ANO6: variants seen among roughly 807,000 people sequenced by gnomAD.
The protein encoded by ANO6 is anoctamin 6.
ANO6 carries 106 observed loss-of-function variants against 117.5 expected under a neutral mutation model. The ratio of observed to expected loss-of-function variants is 0.90; its 90% CI spans 0.77 to 1.06. The LOEUF is 1.06. Among genes scored for constraint, ANO6 ranks in the 50% least tolerant of loss-of-function variants. ANO6 has a pLI of 0.00. For synonymous variants in ANO6, 367 were observed against 385.1 expected (o/e 0.95, Z 0.55); for missense variants, 955 against 1,121.1 (o/e 0.85, Z 2.12).
Position 45,429,202 on chromosome 12 carries a change from A to G in ANO6, c.2624A>G (p.Gln875Arg). ...ATCCAGAGAGAAAAATACCTAACCC[A>G]AAAGCTTCTTCATGAGAATCACCTC... is the stretch of plus-strand genomic sequence containing the variant. Reference protein sequence around the residue: ...SKIQREKYLTQKLLHENHLKD... With the variant: ...SKIQREKYLTRKLLHENHLKD... Residue 875 changes from glutamine to arginine, a missense_variant, in exon 20 of 20, where the codon CAA (glutamine) becomes CGA (arginine). Transcript: ENST00000320560. The G allele has an allele frequency of 6.2e-7, 1 of 1,613,968 alleles. No individual in the cohort carries two copies. The highest frequency in any genetic ancestry group is 2.2e-5 in the East Asian group (1 of 44,842).
Position 45,331,402 on chromosome 12 carries a change from G to A in ANO6, c.258G>A (p.Lys86=). 6.2e-7 allele frequency: 1 copy of A among 1,604,970 alleles called. No homozygotes were observed. Among genetic ancestry groups the A allele is most frequent in the Non-Finnish European group, 8.5e-7 (1 of 1,175,284 alleles). Reference sequence around the variant, plus strand: ...AAAGCAGAAAAGAGACCAATAAAAAGGGTACAAATGAAAAACAAAGGGTAA... The same window carrying A: ...AAAGCAGAAAAGAGACCAATAAAAAAGGTACAAATGAAAAACAAAGGGTAA... ...EDESRKETNK[K]GTNEKQRRKR... The change falls in exon 3 of 20, where the codon AAG becomes AAA. Residue 86 remains lysine, a synonymous_variant. Coordinates refer to ENST00000320560, the MANE Select transcript of ANO6 (RefSeq NM_001025356.3).
chr12:45,411,671 G>A (rs1235875708), intron 16 of ANO6, among the ~76,000 whole-genome samples: 2 of 152,098 alleles, frequency 1.3e-5, no homozygotes, highest in East Asian at 1.9e-4. Flanking sequence ...AACATCTTCC[G>A]GAAAGCAAGC....
intron 17 of ANO6, among the ~76,000 whole-genome samples, chr12:45,418,507 C>G (rs538256207): frequency 2.0e-5 from 3 of 152,320 alleles, no homozygotes; most frequent in African/African-American, 7.2e-5. Context: ...CTAAGCTGGA[C>G]AAGAACATGG....
intron 1 of ANO6, among the ~76,000 whole-genome samples, chr12:45,239,857 T>C (rs895413023): frequency 6.6e-6 from 1 of 152,222 alleles, no homozygotes; most frequent in African/African-American, 2.4e-5. Context: ...TAATCCTGAG[T>C]TCTAATTTGA....
chr12:45,318,006 G>A (rs950261226), intron 2 of ANO6, among the ~76,000 whole-genome samples: 1 of 152,158 alleles, frequency 6.6e-6, no homozygotes, highest in Non-Finnish European at 1.5e-5. Flanking sequence ...TGAGTTCTTT[G>A]TAGATTTTGG....
rs74970679 is a variant in ANO6 at position 45,362,612 on chromosome 12, C to G, written c.999-5076C>G. ...ATGTGTCTTTTTGTCTCTTGTTTTTCTATTCCTTCATTACTACTTTTTTTG... is the reference window on the plus strand; with the variant it reads ...ATGTGTCTTTTTGTCTCTTGTTTTTGTATTCCTTCATTACTACTTTTTTTG... On this transcript the variant is annotated intron_variant, in intron 8 of 19. Coordinates refer to ENST00000320560, the MANE Select transcript of ANO6 (RefSeq NM_001025356.3). Among the ~76,000 whole-genome samples, 1,014 of 151,820 alleles carry G rather than the reference C, an allele frequency of 6.7e-3. 16 individuals carry two copies. The highest frequency in any genetic ancestry group is 0.024 in the African/African-American group (978 of 41,432).
chr12:45,284,076 A>G (rs1161798453), intron 1 of ANO6, among the ~76,000 whole-genome samples: 1 of 152,250 alleles, frequency 6.6e-6, no homozygotes, highest in African/African-American at 2.4e-5. Context: ...TGAAGACCCA[A>G]AGATACAGGG....
intron 16 of ANO6, among the ~76,000 whole-genome samples, chr12:45,413,852 T>C (rs1592038265): frequency 6.6e-6 from 1 of 152,186 alleles, no homozygotes; most frequent in Non-Finnish European, 1.5e-5. Flanking sequence ...TATAGCTAGG[T>C]AGGGCTTTTT....
chr12:45,320,887 T>C (rs1397573071), intron 2 of ANO6, among the ~76,000 whole-genome samples: 13 of 152,180 alleles, frequency 8.5e-5, no homozygotes, highest in Admixed American at 2.6e-4. Context: ...CTTCTTTGTC[T>C]CTTTTGATCT....
chr12:45,226,334 C>A (rs1250534085), intron 1 of ANO6, among the ~76,000 whole-genome samples: 1 of 151,870 alleles, frequency 6.6e-6, no homozygotes, highest in East Asian at 1.9e-4. Context: ...TTTGTGAAGT[C>A]CAAATGTTGC....
At chr12:45,259,447 C>A (rs1937947328) in intron 1 of ANO6, among the ~76,000 whole-genome samples, 1 of 152,062 alleles carries the variant, frequency 6.6e-6, no homozygotes, top group Non-Finnish European at 1.5e-5. Context: ...AACAGTACAC[C>A]CTAGAAATGG....
At chr12:45,351,450 C>G (rs891398165) in intron 7 of ANO6, among the ~76,000 whole-genome samples, 1 of 152,130 alleles carries the variant, frequency 6.6e-6, no homozygotes, top group Non-Finnish European at 1.5e-5. Context: ...GCTGAGGATT[C>G]TGGCTTGTGG....
At chr12:45,382,524 A>G (rs1362505989) in intron 10 of ANO6, among the ~76,000 whole-genome samples, 1 of 152,182 alleles carries the variant, frequency 6.6e-6, no homozygotes, top group African/African-American at 2.4e-5. Context: ...TCAAGGTGCT[A>G]AAGCTTGATC....
At chr12:45,314,445 C>CAAA (rs35897974) in intron 2 of ANO6, among the ~76,000 whole-genome samples, 3 of 144,248 alleles carry the variant, frequency 2.1e-5, no homozygotes, top group Admixed American at 7.0e-5. Context: ...CTTATCTCTA[C>CAAA]AAAAAAAAAA....
At chr12:45,317,250 T>C in intron 2 of ANO6, among the ~76,000 whole-genome samples, 1 of 146,540 alleles carries the variant, frequency 6.8e-6, no homozygotes, top group East Asian at 2.0e-4. Context: ...TAGGTGTATC[T>C]CCTAATGCTA....
intron 2 of ANO6, among the ~76,000 whole-genome samples, chr12:45,318,158 C>T (rs150316753): frequency 0.017 from 2,643 of 152,162 alleles, 54 homozygotes; most frequent in East Asian, 0.085. Context: ...TTGGCTTTTG[C>T]TGCCATTGCT....
At chr12:45,306,837 G>A (rs571161383) in intron 2 of ANO6, among the ~76,000 whole-genome samples, 2 of 151,668 alleles carry the variant, frequency 1.3e-5, no homozygotes, top group Admixed American at 1.3e-4. Context: ...GTATGTGTTG[G>A]GGGGGTGGTG....
intron 12 of ANO6, among the ~76,000 whole-genome samples, chr12:45,396,945 G>A (rs921910737): frequency 1.3e-5 from 2 of 151,754 alleles, no homozygotes; most frequent in African/African-American, 4.8e-5. Context: ...CAACACCAAA[G>A]CAATAGCAAC....
At chr12:45,235,897 T>C (rs1947637691) in intron 1 of ANO6, among the ~76,000 whole-genome samples, 1 of 152,200 alleles carries the variant, frequency 6.6e-6, no homozygotes, top group African/African-American at 2.4e-5. Flanking sequence ...GAGCTGGGTG[T>C]GTTCCCAGGT....
Sources: allele counts gnomAD v4.1 joint callset (sites outside exome capture counted in the v4.1 genomes callset), GRCh38; gene constraint gnomAD v4.1.1; transcripts MANE v1.5; gene names NCBI Gene and HGNC (gene_info 2026-07-23, HGNC 2026-07-21).